CSMD1: variants seen among roughly 807,000 people sequenced by gnomAD.
CSMD1 encodes CUB and sushi domain-containing protein 1.
Under a neutral mutation model 417.5 loss-of-function variants are expected in CSMD1, and 213 were observed. The observed-to-expected ratio is 0.51, with a 90% CI of 0.46 to 0.57. CSMD1 has a LOEUF of 0.57. Ranked by LOEUF, CSMD1 falls within the 20% of genes least tolerant of loss-of-function variation. The pLI is 0.00. For synonymous variants in CSMD1, 2,862 were observed against 1,736.8 expected, an observed-to-expected ratio of 1.65 and a Z score of -16.11; for missense variants, 6,923 against 4,529.7, an observed-to-expected ratio of 1.53 and a Z score of -15.17.
chr8:3,571,904 A>G (rs992670617), intron 10 of CSMD1, among the ~76,000 whole-genome samples: 6 of 152,062 alleles, frequency 3.9e-5, no homozygotes, highest in African/African-American at 1.2e-4. Flanking sequence ...CGTCCTCTCC[A>G]CCGAAAGGGC....
At chr8:3,900,258 G>A (rs1010886749) in intron 5 of CSMD1, among the ~76,000 whole-genome samples, 1 of 151,482 alleles carries the variant, frequency 6.6e-6, no homozygotes. Context: ...AGGGCAGCTG[G>A]GTGACAGCAC....
At chr8:3,459,889 G>C (rs570319200) in intron 12 of CSMD1, among the ~76,000 whole-genome samples, 1 of 152,172 alleles carries the variant, frequency 6.6e-6, no homozygotes, top group Admixed American at 6.5e-5. Context: ...AAACTGGAGT[G>C]GTCCTAAGAT....
intron 2 of CSMD1, among the ~76,000 whole-genome samples, chr8:4,574,670 T>C (rs960036795): frequency 6.6e-5 from 10 of 152,232 alleles, no homozygotes; most frequent in Non-Finnish European, 1.2e-4. Context: ...TTGAATTAGC[T>C]ATACGCTCTC....
At chr8:4,040,976 T>G (rs1013807197) in intron 3 of CSMD1, among the ~76,000 whole-genome samples, 3 of 151,598 alleles carry the variant, frequency 2.0e-5, no homozygotes, top group African/African-American at 7.3e-5. Flanking sequence ...TAGTGAATCC[T>G]CACGTGGTCC....
intron 10 of CSMD1, among the ~76,000 whole-genome samples, chr8:3,510,851 G>A (rs1259223465): frequency 6.6e-6 from 1 of 151,624 alleles, no homozygotes; most frequent in East Asian, 1.9e-4. Flanking sequence ...CTTTTTGATG[G>A]GGTTGTTTTT....
chr8:4,884,951 C>A (rs1245891936), intron 1 of CSMD1, among the ~76,000 whole-genome samples: 1 of 152,058 alleles, frequency 6.6e-6, no homozygotes. Flanking sequence ...ATTGCTGTAG[C>A]AATATGAAAT....
chr8:4,271,025 GA>G (rs1230578179), intron 3 of CSMD1, among the ~76,000 whole-genome samples: 1 of 152,180 alleles, frequency 6.6e-6, no homozygotes, highest in African/African-American at 2.4e-5. Flanking sequence ...GTCCTAGTGG[GA>G]AGAGAGTTAA....
chr8:4,152,764 A>G (rs1435696882), intron 3 of CSMD1, among the ~76,000 whole-genome samples: 1 of 152,176 alleles, frequency 6.6e-6, no homozygotes, highest in Non-Finnish European at 1.5e-5. Flanking sequence ...ATATACATAT[A>G]ATCAAATATA....
intron 3 of CSMD1, among the ~76,000 whole-genome samples, chr8:4,086,474 C>G (rs181671618): frequency 7.2e-5 from 11 of 152,310 alleles, no homozygotes; most frequent in African/African-American, 1.7e-4. Flanking sequence ...TTAATTCGTT[C>G]TGACTGTACA....
At chr8:3,409,050 C>T (rs1205116224) in intron 13 of CSMD1, among the ~76,000 whole-genome samples, 1 of 152,108 alleles carries the variant, frequency 6.6e-6, no homozygotes, top group African/African-American at 2.4e-5. Flanking sequence ...CACTGGTGAA[C>T]AACTTGTGTT....
At chr8:3,493,782 T>C in intron 10 of CSMD1, 56 bp from the exon 11 acceptor site, 2 of 1,422,466 alleles carry the variant, frequency 1.4e-6, no homozygotes, top group Middle Eastern at 3.5e-4. Context: ...CCATGACTTT[T>C]AATAGGTATT....
intron 1 of CSMD1, among the ~76,000 whole-genome samples, chr8:4,977,411 G>A (rs1264943678): frequency 2.6e-5 from 4 of 152,164 alleles, no homozygotes; most frequent in Non-Finnish European, 5.9e-5. Context: ...CAGGCTGGAG[G>A]AGACTGTTGT....
intron 7 of CSMD1, among the ~76,000 whole-genome samples, chr8:3,627,604 T>C (rs893461161): frequency 6.6e-5 from 10 of 152,222 alleles, no homozygotes; most frequent in Non-Finnish European, 1.2e-4. Context: ...TTATATTCTA[T>C]AGTGTAAACT....
chr8:4,489,734 G>C (rs892302934), intron 2 of CSMD1, among the ~76,000 whole-genome samples: 5 of 152,200 alleles, frequency 3.3e-5, no homozygotes, highest in Admixed American at 3.3e-4. Flanking sequence ...GGCTGGCAGG[G>C]AAGAAGCAGC....
At chr8:4,067,184 T>C (rs1174578806) in intron 3 of CSMD1, among the ~76,000 whole-genome samples, 2 of 152,218 alleles carry the variant, frequency 1.3e-5, no homozygotes, top group Non-Finnish European at 2.9e-5. Context: ...TGAAAGGCTA[T>C]CCTCCGTCTT....
chr8:4,863,884 ATAAAT>A (rs1252530694), intron 1 of CSMD1, among the ~76,000 whole-genome samples: 3 of 152,172 alleles, frequency 2.0e-5, no homozygotes, highest in East Asian at 3.9e-4. Flanking sequence ...ACAAAATTGT[ATAAAT>A]TAAATTAAAA....
Position 3,145,349 on chromosome 8 carries a change from C to G in CSMD1, c.6032-2675G>C, listed in dbSNP as rs372118175. ...CTCACTTCAGATGCGCATATGCAGA[C>G]TTCAGATATATTTATCCAGAAACAC... is the stretch of plus-strand genomic sequence containing the variant. On this transcript the variant is annotated intron_variant, in intron 40 of 69. Transcript: ENST00000635120. Among the ~76,000 whole-genome samples, 5 of 152,246 alleles carry G rather than the reference C, an allele frequency of 3.3e-5. No homozygotes were observed. In the East Asian group the frequency reaches 9.7e-4, roughly 29 times the overall value.
chr8:3,344,289 G>A (rs1807846244), intron 22 of CSMD1, among the ~76,000 whole-genome samples: 1 of 152,066 alleles, frequency 6.6e-6, no homozygotes, highest in African/African-American at 2.4e-5. Context: ...AATGCCATGA[G>A]GCTCAGGTAA....
chr8:4,719,253 C>T (rs977952627), intron 1 of CSMD1, among the ~76,000 whole-genome samples: 3 of 152,144 alleles, frequency 2.0e-5, no homozygotes, highest in Admixed American at 2.0e-4. Context: ...GCATTTTGTG[C>T]AAGTTATCTT....
Sources: gnomAD v4.1 joint callset for allele counts (sites outside exome capture counted in the v4.1 genomes callset) on GRCh38, gnomAD v4.1.1 for gene constraint, MANE v1.5 for transcripts, NCBI Gene and HGNC (gene_info 2026-07-23, HGNC 2026-07-21) for gene names.